The following AGBL2 variants were observed in gnomAD, a reference collection of about 807,000 sequenced individuals.
AGBL2 encodes AGBL carboxypeptidase 2.
In AGBL2, 87 loss-of-function variants were observed where a neutral mutation model predicts 103.0. The ratio of observed to expected loss-of-function variants is 0.84; its 90% CI spans 0.71 to 1.01. AGBL2 has a LOEUF of 1.01. AGBL2 is among the 50% of genes least tolerant of loss of function. The probability of loss-of-function intolerance (pLI) is 0.00; values close to 1 mark genes in which losing one functional copy is unlikely to be tolerated. For synonymous variants in AGBL2, 335 were observed against 356.7 expected, an observed-to-expected ratio of 0.94 and a Z score of 0.69; for missense variants, 904 against 1,023.5, an observed-to-expected ratio of 0.88 and a Z score of 1.59.
rs768351386 is a variant in AGBL2 at position 47,685,916 on chromosome 11, A to C, written c.1765T>G (p.Leu589Val). Reference protein sequence around the residue: ...WLHERVFPLMLCKNAPDKFSF... With the variant: ...WLHERVFPLMVCKNAPDKFSF... The stretch of plus-strand genomic sequence containing the variant: ...ACCTTATCTGGTGCATTTTTGCATA[A>C]CATTAAAGGAAAGACTCGTTCATGA... Residue 589 changes from leucine (L) to valine (V), a missense_variant, in exon 11 of 19, where the codon TTA becomes GTA. By Grantham distance (32) the Leu-to-Val change is conservative. Transcript: ENST00000525123. 2.3e-5 allele frequency: 37 copies of C among 1,613,820 alleles called. No individual in the cohort carries two copies. The highest frequency in any genetic ancestry group is 3.1e-5 in the Non-Finnish European group (37 of 1,179,968).
intron 10 of AGBL2, among the ~76,000 whole-genome samples, chr11:47,687,158 A>T (rs1352916417): frequency 2.7e-5 from 4 of 150,274 alleles, no homozygotes; most frequent in East Asian, 1.9e-4. Flanking sequence ...AATAAATAAT[A>T]AAAAAAAATA....
At chr11:47,661,968 C>T (rs1376569965) in intron 18 of AGBL2, among the ~76,000 whole-genome samples, 6 of 150,100 alleles carry the variant, frequency 4.0e-5, no homozygotes, top group Admixed American at 1.3e-4. Context: ...AGGCTGGTCT[C>T]GAACTCCTGA....
intron 4 of AGBL2, among the ~76,000 whole-genome samples, chr11:47,706,238 T>C (rs2097518648): frequency 6.6e-6 from 1 of 151,740 alleles, no homozygotes; most frequent in African/African-American, 2.4e-5. Flanking sequence ...CCTGGCCGGC[T>C]GGGCGCGGTG....
chr11:47,682,945 AT>A (rs1450808017), intron 11 of AGBL2, among the ~76,000 whole-genome samples: 1 of 152,022 alleles, frequency 6.6e-6, no homozygotes. Context: ...TCTGGGTGTG[AT>A]TTCCTGAAAG....
At chr11:47,715,033 G>A in intron 1 of AGBL2, 142 bp downstream of exon 1, 2 of 219,952 alleles carry the variant, frequency 9.1e-6, no homozygotes, top group Non-Finnish European at 1.8e-5. Context: ...AAGTCGTCTC[G>A]GTAGGTGCCG....
At chr11:47,671,250 C>A (rs2097356515) in intron 14 of AGBL2, among the ~76,000 whole-genome samples, 1 of 152,088 alleles carries the variant, frequency 6.6e-6, no homozygotes, top group African/African-American at 2.4e-5. Context: ...CGCGGTGGCT[C>A]ATGCCTGTAA....
chr11:47,673,775 CAG>C (rs1371669870), intron 14 of AGBL2, among the ~76,000 whole-genome samples: 3 of 87,558 alleles, frequency 3.4e-5, no homozygotes, highest in Admixed American at 1.7e-4. Flanking sequence ...GCCTGGGTGA[CAG>C]AGAGAGACTC....
At chr11:47,665,037 A>G (rs1416445674) in intron 17 of AGBL2, among the ~76,000 whole-genome samples, 10 of 149,858 alleles carry the variant, frequency 6.7e-5, no homozygotes, top group Admixed American at 6.7e-4. Flanking sequence ...ATGCGCCACC[A>G]TGCACAGCTC....
chr11:47,714,266 A>G lies in AGBL2; in HGVS notation c.97+18T>C. 3 of 1,602,918 alleles carry G rather than the reference A, an allele frequency of 1.9e-6. No homozygotes were observed. The highest frequency in any genetic ancestry group is 2.6e-6 in the Non-Finnish European group (3 of 1,170,432). Reference sequence around the variant, plus strand: ...TTGAGTCCAGGAAAGGTGATACTAGATAAGAACATGGTATTACCTTTAAAG... The same window carrying G: ...TTGAGTCCAGGAAAGGTGATACTAGGTAAGAACATGGTATTACCTTTAAAG... On this transcript the variant is annotated intron_variant, in intron 3 of 18. Coordinates refer to ENST00000525123, the MANE Select transcript of AGBL2 (RefSeq NM_024783.4).
intron 13 of AGBL2, among the ~76,000 whole-genome samples, chr11:47,678,343 A>ATTTTATTATTTTT (rs2097385823): frequency 1.0e-4 from 12 of 116,826 alleles, no homozygotes; most frequent in Admixed American, 2.7e-4. Flanking sequence ...TTATTATTTT[A>ATTTTATTATTTTT]TTTTTTTTGA....
chr11:47,710,508 T>C lies in AGBL2; in HGVS notation c.101A>G (p.Gln34Arg). Residue 34 changes from glutamine to arginine, a missense_variant, in exon 4 of 19, where the codon CAG becomes CGG. By Grantham distance (43) the Gln-to-Arg change is conservative (BLOSUM62 1). Transcript: ENST00000525123. ...HLQYYGYFKA[Q>R]RGSLPNSATH... ...AGCAGAGTTTGGTAAACTGCCTCTC[T>C]GAGCTAAAAATTGGCAGTTTAATTA... is the stretch of plus-strand genomic sequence containing the variant. 6.2e-7 allele frequency: 1 copy of C among 1,614,130 alleles called. No individual in the cohort carries two copies. Among genetic ancestry groups the C allele is most frequent in the Non-Finnish European group, 8.5e-7 (1 of 1,180,028 alleles).
intron 18 of AGBL2, among the ~76,000 whole-genome samples, chr11:47,661,518 A>G (rs1235731537): frequency 6.6e-6 from 1 of 152,124 alleles, no homozygotes; most frequent in Non-Finnish European, 1.5e-5. Context: ...CCTTGCACAT[A>G]GTAGACACTA....
chr11:47,662,580 C>A (rs2097331076), intron 18 of AGBL2, among the ~76,000 whole-genome samples: 1 of 151,936 alleles, frequency 6.6e-6, no homozygotes, highest in Non-Finnish European at 1.5e-5. Flanking sequence ...GCAACCTCTG[C>A]CTCCCGGGTT....
At chr11:47,661,421 G>A (rs1205172455) in intron 18 of AGBL2, among the ~76,000 whole-genome samples, 2 of 151,980 alleles carry the variant, frequency 1.3e-5, no homozygotes, top group Non-Finnish European at 2.9e-5. Flanking sequence ...CTATCTTTTC[G>A]CCGCTCTTCA....
chr11:47,692,345 C>A (rs897351915), intron 8 of AGBL2, 89 bp from the exon 9 acceptor site: 2 of 755,732 alleles, frequency 2.6e-6, no homozygotes, highest in Non-Finnish European at 3.9e-6. Context: ...GTGGTCAACA[C>A]TATTCTAGAC....
chr11:47,693,997 CTGGGCAACA>C (rs967312256), intron 8 of AGBL2, among the ~76,000 whole-genome samples: 1 of 151,984 alleles, frequency 6.6e-6, no homozygotes, highest in Non-Finnish European at 1.5e-5. Context: ...TGAGACCAGC[CTGGGCAACA>C]TGGCAAAATG....
chr11:47,678,390 G>A (rs1030030648), intron 13 of AGBL2, among the ~76,000 whole-genome samples: 3 of 144,260 alleles, frequency 2.1e-5, no homozygotes, highest in Non-Finnish European at 4.6e-5. Context: ...CTGGAGTGTA[G>A]TGGCATGATC....
At chr11:47,708,170 C>T (rs546407220) in intron 4 of AGBL2, among the ~76,000 whole-genome samples, 78 of 151,946 alleles carry the variant, frequency 5.1e-4, no homozygotes, top group African/African-American at 1.6e-3. Context: ...CAATTTCAAG[C>T]GACTCTCCTG....
In AGBL2 at chr11:47,667,448, G is replaced by A. The variant is rs993053433; in HGVS notation, c.2340+123C>T. The A allele has an allele frequency of 4.7e-5, 59 of 1,243,434 alleles. No individual in the cohort carries two copies. In the Middle Eastern group the frequency reaches 1.1e-3, roughly 24 times the overall value. The allele number at this position is 1,243,434 out of a possible 1,614,324, so 77.0% of individuals were successfully genotyped here. A position where few individuals can be genotyped will look rare whatever the true frequency, so the allele number is the denominator to read the frequency against. Reference sequence around the variant, plus strand: ...AAGGGTTCTGATCGCAAAACAGAAAGTCTCCCTCTGCCCCAATCTCCATCC... The same window carrying A: ...AAGGGTTCTGATCGCAAAACAGAAAATCTCCCTCTGCCCCAATCTCCATCC... On this transcript the variant is annotated intron_variant, in intron 16 of 18. Transcript: ENST00000525123.
Sources: gnomAD v4.1 joint callset for allele counts (sites outside exome capture counted in the v4.1 genomes callset) on GRCh38, gnomAD v4.1.1 for gene constraint, MANE v1.5 for transcripts, NCBI Gene and HGNC (gene_info 2026-07-23, HGNC 2026-07-21) for gene names.